The following RALYL variants were observed in gnomAD, a reference collection of about 807,000 sequenced individuals.
The protein encoded by RALYL is RNA-binding Raly-like protein.
A neutral mutation model predicts 35.1 loss-of-function variants in RALYL; 29 were observed. The ratio of observed to expected loss-of-function variants is 0.83; its 90% confidence interval spans 0.61 to 1.13. The LOEUF is 1.13. Among genes scored for constraint, RALYL ranks in the 50% most tolerant of loss-of-function variants. The pLI is 0.00. For synonymous variants in RALYL, 120 were observed against 127.6 expected (o/e 0.94, Z 0.40); for missense variants, 359 against 360.4 (o/e 1.00, Z 0.03).
chr8:84,411,472 T>G (rs1035803029), intron 1 of RALYL, among the ~76,000 whole-genome samples: 1 of 151,878 alleles, frequency 6.6e-6, no homozygotes, highest in Non-Finnish European at 1.5e-5. Context: ...TCCATCAATA[T>G]GGGGAACATT....
intron 1 of RALYL, among the ~76,000 whole-genome samples, chr8:84,195,634 C>G (rs1395681909): frequency 6.6e-6 from 1 of 152,190 alleles, no homozygotes; most frequent in Non-Finnish European, 1.5e-5. Flanking sequence ...CATGCAATTT[C>G]TTTCTCCCCT....
chr8:84,541,040 C>G (rs2059985632), intron 2 of RALYL, among the ~76,000 whole-genome samples: 1 of 151,642 alleles, frequency 6.6e-6, no homozygotes, highest in Admixed American at 6.6e-5. Flanking sequence ...GATTAGTCAT[C>G]TATTCAAACA....
intron 1 of RALYL, among the ~76,000 whole-genome samples, chr8:84,384,674 T>C (rs1360398940): frequency 6.6e-6 from 1 of 151,798 alleles, no homozygotes; most frequent in Non-Finnish European, 1.5e-5. Flanking sequence ...TCCTTTCCCC[T>C]GATTTTATCT....
intron 1 of RALYL, among the ~76,000 whole-genome samples, chr8:84,195,952 T>A (rs1815171837): frequency 6.6e-6 from 1 of 152,232 alleles, no homozygotes; most frequent in Non-Finnish European, 1.5e-5. Flanking sequence ...AAGTCTATTG[T>A]TCAGGAGAGT....
chr8:84,803,141 C>A (rs577727243), intron 3 of RALYL, among the ~76,000 whole-genome samples: 2 of 152,260 alleles, frequency 1.3e-5, no homozygotes, highest in African/African-American at 4.8e-5. Context: ...CACACACATA[C>A]ACTAATGTCT....
At chr8:84,536,746 TG>T (rs2059636769) in intron 2 of RALYL, among the ~76,000 whole-genome samples, 1 of 152,232 alleles carries the variant, frequency 6.6e-6, no homozygotes, top group South Asian at 2.1e-4. Flanking sequence ...TTTTAGCTTT[TG>T]CCTCAGTGTC....
chr8:84,387,992 C>G (rs1474067433), intron 1 of RALYL, among the ~76,000 whole-genome samples: 1 of 152,014 alleles, frequency 6.6e-6, no homozygotes, highest in Non-Finnish European at 1.5e-5. Context: ...TATCCCTCCC[C>G]CTACACCACG....
chr8:84,458,043 A>G (rs1490142460), intron 1 of RALYL, among the ~76,000 whole-genome samples: 3 of 151,850 alleles, frequency 2.0e-5, no homozygotes, highest in Admixed American at 6.6e-5. Context: ...TTGAATATAA[A>G]TAGCCTAAAA....
At chr8:84,658,983 T>C (rs528634173) in intron 2 of RALYL, among the ~76,000 whole-genome samples, 1 of 152,238 alleles carries the variant, frequency 6.6e-6, no homozygotes, top group East Asian at 1.9e-4. Context: ...CATTGCTAAG[T>C]TGACTCTGAC....
At chr8:84,551,556 G>C (rs1315576370) in intron 2 of RALYL, among the ~76,000 whole-genome samples, 3 of 152,104 alleles carry the variant, frequency 2.0e-5, no homozygotes, top group South Asian at 2.1e-4. Context: ...AGACTTGATA[G>C]AGTTGATAGG....
At chr8:84,658,387 T>A (rs1291381183) in intron 2 of RALYL, among the ~76,000 whole-genome samples, 1 of 152,222 alleles carries the variant, frequency 6.6e-6, no homozygotes, top group Admixed American at 6.6e-5. Flanking sequence ...AGTAAAGCTC[T>A]CCTTTCCAAA....
chr8:84,492,524 A>G (rs995318938), intron 1 of RALYL, among the ~76,000 whole-genome samples: 1 of 151,982 alleles, frequency 6.6e-6, no homozygotes, highest in Admixed American at 6.6e-5. Flanking sequence ...TTTTTAGTGG[A>G]TCTCCTGCTG....
chr8:84,777,988 T>C (rs1434453341), intron 3 of RALYL, among the ~76,000 whole-genome samples: 1 of 152,174 alleles, frequency 6.6e-6, no homozygotes, highest in East Asian at 1.9e-4. Flanking sequence ...GGACTCTTTT[T>C]ACTCGGTCAT....
intron 4 of RALYL, among the ~76,000 whole-genome samples, chr8:84,843,395 G>C (rs1402076710): frequency 6.6e-6 from 1 of 152,066 alleles, no homozygotes; most frequent in African/African-American, 2.4e-5. Context: ...AAATACCTAG[G>C]AATCCAACTT....
intron 1 of RALYL, among the ~76,000 whole-genome samples, chr8:84,218,793 C>T (rs1194013164): frequency 6.6e-6 from 1 of 152,022 alleles, no homozygotes; most frequent in East Asian, 1.9e-4. Context: ...ATATGATAAC[C>T]CTTTAAAAAA....
At chr8:84,223,171 T>C (rs1822845175) in intron 1 of RALYL, among the ~76,000 whole-genome samples, 1 of 33,172 alleles carries the variant, frequency 3.0e-5, no homozygotes, top group Non-Finnish European at 6.5e-5. Context: ...CCTTCCTCCC[T>C]TCCCTTCCCT....
At chr8:84,573,808 C>A (rs1808643836) in intron 2 of RALYL, among the ~76,000 whole-genome samples, 2 of 152,044 alleles carry the variant, frequency 1.3e-5, no homozygotes, top group African/African-American at 4.8e-5. Context: ...ATCCCATCCA[C>A]AGAATTCTTC....
At chr8:84,693,003 CAT>C (rs770369818) in intron 2 of RALYL, among the ~76,000 whole-genome samples, 1 of 151,960 alleles carries the variant, frequency 6.6e-6, no homozygotes, top group Non-Finnish European at 1.5e-5. Flanking sequence ...TCATAAATAA[CAT>C]AGCCCAACCA....
chr8:84,811,068 G>A (rs1043007898), intron 4 of RALYL, among the ~76,000 whole-genome samples: 2 of 145,804 alleles, frequency 1.4e-5, no homozygotes, highest in Non-Finnish European at 3.0e-5. Context: ...TTTGTTTTTT[G>A]TTTTTTTTTC....
Sources: gnomAD v4.1 joint callset for allele counts (sites outside exome capture counted in the v4.1 genomes callset) on GRCh38, gnomAD v4.1.1 for gene constraint, MANE v1.5 for transcripts, NCBI Gene and HGNC (gene_info 2026-07-23, HGNC 2026-07-21) for gene names.